CHKA: variants seen among roughly 807,000 people sequenced by gnomAD.
The protein encoded by CHKA is choline kinase alpha.
In CHKA, 34 loss-of-function variants were observed where a neutral mutation model predicts 60.1. That is an observed-to-expected ratio of 0.57 (90% CI 0.43 to 0.75). CHKA has a LOEUF of 0.75. Among genes scored for constraint, CHKA ranks in the 30% least tolerant of loss-of-function variants. The pLI is 0.00. For synonymous variants in CHKA, 217 were observed against 223.1 expected (o/e 0.97, Z 0.24); for missense variants, 563 against 561.3 (o/e 1.00, Z -0.03).
At chr11:68,083,869 T>C (rs1857066897) in intron 2 of CHKA, among the ~76,000 whole-genome samples, 1 of 152,066 alleles carries the variant, frequency 6.6e-6, no homozygotes, top group Admixed American at 6.6e-5. Flanking sequence ...ATAAGAAGTG[T>C]AAGACGAGGA....
chr11:68,098,648 G>A (rs1461104702), intron 1 of CHKA, among the ~76,000 whole-genome samples: 3 of 152,100 alleles, frequency 2.0e-5, no homozygotes, highest in East Asian at 1.9e-4. Flanking sequence ...TGTTAAAATT[G>A]TATTTTTAAT....
At chr11:68,111,416 A>G (rs914676410) in intron 1 of CHKA, among the ~76,000 whole-genome samples, 1 of 142,944 alleles carries the variant, frequency 7.0e-6, no homozygotes, top group Non-Finnish European at 1.5e-5. Flanking sequence ...CCATCTCAAG[A>G]AAAAAAAAAA....
intron 9 of CHKA, 36 bp downstream of exon 9, chr11:68,065,750 A>AT (rs776586710): frequency 7.5e-7 from 1 of 1,337,272 alleles, no homozygotes; most frequent in Non-Finnish European, 1.1e-6. Context: ...TTGACATGTA[A>AT]TTTTCCTATC....
chr11:68,054,131 G>T, intron 11 of CHKA, 84 bp from the exon 12 acceptor site: 1 of 1,212,514 alleles, frequency 8.2e-7, no homozygotes, highest in Non-Finnish European at 1.2e-6. Flanking sequence ...CCCACCCCAG[G>T]CAAGAGCTGA....
Position 68,121,128 on chromosome 11 carries a change from C to A in CHKA, c.50G>T (p.Gly17Val). The A allele has an allele frequency of 8.3e-7, 1 of 1,207,906 alleles. No homozygotes were observed. Among genetic ancestry groups the A allele is most frequent in the Non-Finnish European group, 1.0e-6 (1 of 965,698 alleles). 74.8% of individuals were successfully genotyped at this position (1,207,906 alleles called of 1,614,324 possible). A position where few individuals can be genotyped will look rare whatever the true frequency, so the allele number is the denominator to read the frequency against. ...GCCGCTACCGCAGCTCAGCAGCAGC[C>A]CGAGCGGCGAGGGCTCCGCCTCGCC... Reference protein sequence around the residue: ...TGGEAEPSPLGLLLSCGSGSA... With the variant: ...TGGEAEPSPLVLLLSCGSGSA... The change falls in exon 1 of 12, where the codon GGG (glycine) becomes GTG (valine). Residue 17 changes from glycine to valine, a missense_variant. By Grantham distance (109) the Gly-to-Val change is moderately radical. Coordinates refer to ENST00000265689, the MANE Select transcript of CHKA (RefSeq NM_001277.3).
chr11:68,100,970 C>CGGAG (rs1420323968), intron 1 of CHKA, among the ~76,000 whole-genome samples: 1 of 97,068 alleles, frequency 1.0e-5, no homozygotes, highest in Non-Finnish European at 1.8e-5. Flanking sequence ...TTTTTTGAGA[C>CGGAG]GGAGTCTCAC....
chr11:68,082,983 C>T (rs1029635002), intron 2 of CHKA, among the ~76,000 whole-genome samples: 5 of 152,192 alleles, frequency 3.3e-5, no homozygotes, highest in Non-Finnish European at 5.9e-5. Flanking sequence ...ATGTGGTAGG[C>T]GCTGGAAAGC....
chr11:68,060,509 C>A (rs747321089), intron 11 of CHKA, among the ~76,000 whole-genome samples: 2 of 152,126 alleles, frequency 1.3e-5, no homozygotes, highest in Non-Finnish European at 2.9e-5. Flanking sequence ...TAGAGTTTCA[C>A]CATATTGGTT....
intron 2 of CHKA, among the ~76,000 whole-genome samples, chr11:68,086,082 AG>A (rs1857168843): frequency 6.6e-6 from 1 of 152,092 alleles, no homozygotes; most frequent in African/African-American, 2.4e-5. Flanking sequence ...TGGGAGGCCG[AG>A]GCAGGCGGAT....
intron 11 of CHKA, among the ~76,000 whole-genome samples, chr11:68,058,794 A>G (rs1856117810): frequency 1.3e-5 from 2 of 152,226 alleles, no homozygotes. Flanking sequence ...ACAACACAGA[A>G]GACATGCAGT....
At chr11:68,083,688 G>A (rs2134602415) in intron 2 of CHKA, among the ~76,000 whole-genome samples, 1 of 152,144 alleles carries the variant, frequency 6.6e-6, no homozygotes, top group East Asian at 1.9e-4. Context: ...CACTATAAGT[G>A]GTAGTAAATC....
chr11:68,064,685 A>G, intron 9 of CHKA, 54 bp from the exon 10 acceptor site: 1 of 1,042,526 alleles, frequency 9.6e-7, no homozygotes, highest in East Asian at 2.5e-5. Context: ...AGACAATGTC[A>G]ATAGCTGTCA....
intron 2 of CHKA, among the ~76,000 whole-genome samples, chr11:68,089,393 T>C (rs145003827): frequency 9.9e-4 from 151 of 152,314 alleles, no homozygotes; most frequent in African/African-American, 3.6e-3. Context: ...CTAAGACATA[T>C]GAAAGTATAC....
At position 68,087,495 on chromosome 11, in the gene CHKA, A is replaced by C. The variant is rs144344276; in HGVS notation, c.463-6038T>G. Among the ~76,000 whole-genome samples, 1,308 of 152,180 alleles carry C rather than the reference A, an allele frequency of 8.6e-3. 15 individuals are homozygous for C. Among genetic ancestry groups the C allele is most frequent in the African/African-American group, 0.029 (1,190 of 41,534 alleles). On this transcript the variant is annotated intron_variant, in intron 2 of 11. Transcript: ENST00000265689. ...AGACTTCATCTCACACACACACACA[A>C]AAAAATCATAATATAGAATAGAAAT... is the stretch of plus-strand genomic sequence containing the variant.
chr11:68,075,101 G>C (rs1856746042), intron 3 of CHKA, among the ~76,000 whole-genome samples: 1 of 152,116 alleles, frequency 6.6e-6, no homozygotes, highest in African/African-American at 2.4e-5. Flanking sequence ...TCCAAAAATA[G>C]AAAAATATCC....
chr11:68,115,329 T>C (rs143325551), intron 1 of CHKA, among the ~76,000 whole-genome samples: 112 of 152,318 alleles, frequency 7.4e-4, no homozygotes, highest in Admixed American at 1.4e-3. Context: ...TACATGTCAT[T>C]ATACGGTGGC....
At chr11:68,073,920 C>T (rs956808292) in intron 4 of CHKA, among the ~76,000 whole-genome samples, 3 of 152,298 alleles carry the variant, frequency 2.0e-5, no homozygotes, top group African/African-American at 7.2e-5. Flanking sequence ...AATATCTGAT[C>T]TATCTAGGAA....
intron 1 of CHKA, among the ~76,000 whole-genome samples, chr11:68,120,052 A>T (rs1424600057): frequency 6.6e-6 from 1 of 151,994 alleles, no homozygotes; most frequent in Non-Finnish European, 1.5e-5. Flanking sequence ...AACATGGAGA[A>T]ACCTTGTCTC....
chr11:68,055,338 C>T (rs61887544), intron 11 of CHKA, among the ~76,000 whole-genome samples: 18,590 of 152,190 alleles, frequency 0.12, 1,363 homozygotes, highest in Non-Finnish European at 0.16. Context: ...TGCAGTGAGC[C>T]AAGATCGGGC....
Sources: allele counts gnomAD v4.1 joint callset (sites outside exome capture counted in the v4.1 genomes callset), GRCh38; gene constraint gnomAD v4.1.1; transcripts MANE v1.5; gene names NCBI Gene and HGNC (gene_info 2026-07-23, HGNC 2026-07-21).